Variants in FRMD5 observed in about 807,000 individuals in gnomAD.
FRMD5 encodes FERM domain containing 5, also known as FERM domain-containing protein 5.
In FRMD5, 20 loss-of-function variants were observed where a neutral mutation model predicts 69.0. That is an observed-to-expected ratio of 0.29 (90% CI 0.20 to 0.42). FRMD5 has a LOEUF of 0.42. Ranked by LOEUF, FRMD5 falls within the 10% of genes least tolerant of loss-of-function variation. The pLI is 1.00. For missense variants in FRMD5, 595 were observed against 708.6 expected (o/e 0.84, Z 1.82); for synonymous variants, 271 against 260.1 (o/e 1.04, Z -0.40).
At chr15:43,900,100 C>T (rs533241945) in intron 7 of FRMD5, among the ~76,000 whole-genome samples, 33 of 152,186 alleles carry the variant, frequency 2.2e-4, no homozygotes, top group Non-Finnish European at 3.7e-4. Context: ...TTCAGGCAGC[C>T]GTCTTTAAGG....
At chr15:44,007,637 A>ATTTTTTTTTTTTTT (rs35512441) in intron 1 of FRMD5, among the ~76,000 whole-genome samples, 3 of 81,140 alleles carry the variant, frequency 3.7e-5, no homozygotes, top group Non-Finnish European at 6.5e-5. Flanking sequence ...TAATTAACTA[A>ATTTTTTTTTTTTTT]TTTTTTTTTT....
At position 43,872,010 on chromosome 15, in the gene FRMD5, A is replaced by T. The variant is rs1275439867; in HGVS notation, c.*1875T>A. The stretch of plus-strand genomic sequence containing the variant: ...GTATTATGGCCTGTAGGCTAAATTC[A>T]GCTCACTGTTTTCATAAAGTTTTAT... On this transcript the variant is annotated 3_prime_UTR_variant, in exon 14 of 14. Coordinates refer to ENST00000417257, the MANE Select transcript of FRMD5 (RefSeq NM_032892.5). 1 of 152,230 alleles carries T rather than the reference A, an allele frequency of 6.6e-6. No homozygotes were observed. The highest frequency in any genetic ancestry group is 1.5e-5 in the Non-Finnish European group (1 of 68,042). The allele number at this position is 152,230 out of a possible 1,614,324, so 9.4% of individuals were successfully genotyped here. A position where few individuals can be genotyped will look rare whatever the true frequency, so the allele number is the denominator to read the frequency against.
intron 1 of FRMD5, among the ~76,000 whole-genome samples, chr15:44,054,554 G>A (rs1316260119): frequency 6.6e-6 from 1 of 152,136 alleles, no homozygotes; most frequent in Non-Finnish European, 1.5e-5. Context: ...TATTTTCGTA[G>A]GGGTTGTCCG....
Position 43,873,663 on chromosome 15 carries a change from A to ATAAC in FRMD5, c.*218_*221dup. On this transcript the variant is annotated 3_prime_UTR_variant, in exon 14 of 14. Coordinates refer to ENST00000417257, the MANE Select transcript of FRMD5 (RefSeq NM_032892.5). The stretch of plus-strand genomic sequence containing the variant: ...ACAGAGTCGCTGAGCCTTTCTTGAA[A>ATAAC]TAACTTCTGAAGAAAATGAGTTTTC... 2 of 1,501,606 alleles carry ATAAC rather than the reference A, an allele frequency of 1.3e-6. No individual in the cohort carries two copies. Among genetic ancestry groups the ATAAC allele is most frequent in the African/African-American group, 1.4e-5 (1 of 71,312 alleles). 93.0% of individuals were successfully genotyped at this position (1,501,606 alleles called of 1,614,324 possible). A position where few individuals can be genotyped will look rare whatever the true frequency, so the allele number is the denominator to read the frequency against.
intron 1 of FRMD5, among the ~76,000 whole-genome samples, chr15:44,182,443 C>T (rs944737999): frequency 1.3e-5 from 2 of 151,648 alleles, no homozygotes; most frequent in African/African-American, 4.9e-5. Context: ...AAATCTCCTG[C>T]CTCAGCCTCC....
At chr15:44,104,213 A>C (rs2140540971) in intron 1 of FRMD5, among the ~76,000 whole-genome samples, 1 of 152,314 alleles carries the variant, frequency 6.6e-6, no homozygotes, top group Non-Finnish European at 1.5e-5. Context: ...AATAGCGAAA[A>C]GCTTATAGAA....
At position 44,017,831 on chromosome 15, in the gene FRMD5, G is replaced by C. The variant is rs555872235; in HGVS notation, c.103-93522C>G. Among the ~76,000 whole-genome samples, 10 of 151,722 alleles carry C rather than the reference G, an allele frequency of 6.6e-5. No homozygotes were observed. In the South Asian group the frequency reaches 1.5e-3, roughly 22 times the overall value. ...TCACCATGTTAGCCAGGATGGTCTC[G>C]ATCTCCTAACCTCGTGATCCGCCCG... On this transcript the variant is annotated intron_variant, in intron 1 of 13. Coordinates refer to ENST00000417257, the MANE Select transcript of FRMD5 (RefSeq NM_032892.5).
At chr15:43,984,833 A>G (rs1280860504) in intron 1 of FRMD5, among the ~76,000 whole-genome samples, 2 of 151,992 alleles carry the variant, frequency 1.3e-5, no homozygotes, top group African/African-American at 4.8e-5. Flanking sequence ...AAAATATAAA[A>G]ATTAGCCAGG....
chr15:43,998,296 G>T (rs754330384), intron 1 of FRMD5, among the ~76,000 whole-genome samples: 2 of 152,158 alleles, frequency 1.3e-5, no homozygotes, highest in Non-Finnish European at 2.9e-5. Context: ...CTTATTATTA[G>T]TTGGTAGGAA....
At chr15:44,194,887 G>A in intron 1 of FRMD5, 66 bp downstream of exon 1, 1 of 1,376,670 alleles carries the variant, frequency 7.3e-7, no homozygotes, top group Non-Finnish European at 9.9e-7. Flanking sequence ...GCCGCCGCCG[G>A]CCAAGTTGAC....
chr15:44,020,896 C>T (rs926192001), intron 1 of FRMD5, among the ~76,000 whole-genome samples: 1 of 152,144 alleles, frequency 6.6e-6, no homozygotes, highest in African/African-American at 2.4e-5. Context: ...CAGTGGTACA[C>T]CATTACATAA....
At chr15:44,025,936 A>G (rs931298107) in intron 1 of FRMD5, among the ~76,000 whole-genome samples, 3 of 152,166 alleles carry the variant, frequency 2.0e-5, no homozygotes, top group African/African-American at 7.2e-5. Flanking sequence ...GGCTCTGGCA[A>G]TTATGGTCAG....
chr15:44,140,118 C>T (rs962291891), intron 1 of FRMD5, among the ~76,000 whole-genome samples: 1 of 151,842 alleles, frequency 6.6e-6, no homozygotes, highest in African/African-American at 2.4e-5. Flanking sequence ...TAAAACTGTG[C>T]TAAACAGAAA....
intron 1 of FRMD5, among the ~76,000 whole-genome samples, chr15:44,064,766 A>G (rs1295967435): frequency 5.3e-5 from 8 of 152,258 alleles, no homozygotes; most frequent in African/African-American, 1.9e-4. Context: ...GGGTAACCAA[A>G]TAACAAGTCC....
chr15:44,074,717 G>C (rs1045662760), intron 1 of FRMD5, among the ~76,000 whole-genome samples: 4 of 152,192 alleles, frequency 2.6e-5, no homozygotes, highest in Non-Finnish European at 5.9e-5. Context: ...AGAAGTCCAT[G>C]GCCACAGTTC....
rs368860757 is a variant in FRMD5 at position 43,883,694 on chromosome 15, C to T, written c.1135+9G>A. The T allele has an allele frequency of 2.5e-6, 4 of 1,598,164 alleles. No individual in the cohort carries two copies. The highest frequency in any genetic ancestry group is 2.7e-5 in the African/African-American group (2 of 74,296). On this transcript the variant is annotated intron_variant, in intron 13 of 13. Coordinates refer to ENST00000417257, the MANE Select transcript of FRMD5 (RefSeq NM_032892.5). ...ACCCCAGTGGTCACCTCAAGAAGCT[C>T]ATGCTCACCTTCCATGATGGAGATG...
At chr15:43,922,193 C>T (rs1409466224) in intron 2 of FRMD5, among the ~76,000 whole-genome samples, 1 of 152,222 alleles carries the variant, frequency 6.6e-6, no homozygotes, top group Non-Finnish European at 1.5e-5. Context: ...AGAAACCACA[C>T]TGGCCCTGGA....
intron 1 of FRMD5, among the ~76,000 whole-genome samples, chr15:44,155,999 T>C (rs1410476376): frequency 6.6e-6 from 1 of 152,128 alleles, no homozygotes; most frequent in Non-Finnish European, 1.5e-5. Context: ...AAAGAGCTGA[T>C]AGTCATGAAA....
chr15:43,999,983 T>TATATATGCCATGC (rs1890136812), intron 1 of FRMD5, among the ~76,000 whole-genome samples: 1 of 117,364 alleles, frequency 8.5e-6, no homozygotes, highest in Non-Finnish European at 1.7e-5. Flanking sequence ...TATATATATA[T>TATATATGCCATGC]ATATATGTGC....
Sources: allele counts gnomAD v4.1 joint callset (sites outside exome capture counted in the v4.1 genomes callset), GRCh38; gene constraint gnomAD v4.1.1; transcripts MANE v1.5; gene names NCBI Gene and HGNC (gene_info 2026-07-23, HGNC 2026-07-21).